TECTA: variants seen among roughly 807,000 people sequenced by gnomAD.
The protein encoded by TECTA is tectorin alpha.
In TECTA, 128 loss-of-function variants were observed where a neutral mutation model predicts 216.8. The ratio of observed to expected loss-of-function variants is 0.59; its 90% CI spans 0.51 to 0.68. The LOEUF (loss-of-function observed/expected upper bound fraction) is 0.68. TECTA is among the 30% of genes least tolerant of loss of function. The pLI is 0.00. For missense variants in TECTA, 2,551 were observed against 2,786.2 expected, an observed-to-expected ratio of 0.92 and a Z score of 1.90; for synonymous variants, 1,089 against 1,117.1, an observed-to-expected ratio of 0.97 and a Z score of 0.50.
intron 20 of TECTA, among the ~76,000 whole-genome samples, chr11:121,177,069 C>T (rs1053701019): frequency 2.0e-4 from 31 of 152,320 alleles, no homozygotes; most frequent in Middle Eastern, 6.8e-3. Flanking sequence ...TCTAGTTATA[C>T]ATTCGTCTAA....
In TECTA at chr11:121,191,286, C is replaced by G. The variant is rs556077677; in HGVS notation, c.*480C>G. 2.6e-4 allele frequency: 57 copies of G among 222,342 alleles called. 1 individual carries two copies. Among genetic ancestry groups the G allele is most frequent in the Middle Eastern group, 3.8e-3 (2 of 522 alleles). The allele number at this position is 222,342 out of a possible 1,614,324, so 13.8% of individuals were successfully genotyped here. A position where few individuals can be genotyped will look rare whatever the true frequency, so the allele number is the denominator to read the frequency against. ...GGAAGTGTCCGATCTACGTTATGCA[C>G]GTGTTCTGTCTATGAGGCGCTTCTC... On this transcript the variant is annotated 3_prime_UTR_variant, in exon 24 of 24. Transcript: ENST00000392793.
At chr11:121,128,438 C>T in intron 9 of TECTA, 94 bp downstream of exon 9, 2 of 1,194,486 alleles carry the variant, frequency 1.7e-6, no homozygotes, top group East Asian at 2.5e-5. Flanking sequence ...CTGCCTCTGC[C>T]TATGAGTGGA....
chr11:121,108,706 C>T (rs1946414578), intron 3 of TECTA, among the ~76,000 whole-genome samples: 1 of 150,670 alleles, frequency 6.6e-6, no homozygotes, highest in African/African-American at 2.4e-5. Context: ...CCAATACACA[C>T]ACACATACCC....
chr11:121,174,396 A>G (rs989481369), intron 20 of TECTA, among the ~76,000 whole-genome samples: 53 of 151,924 alleles, frequency 3.5e-4, no homozygotes, highest in African/African-American at 1.1e-3. Flanking sequence ...AGTTTTTAGC[A>G]TGAAGGGTTG....
At chr11:121,190,063 A>G in intron 23 of TECTA, 183 bp downstream of exon 23, 7 of 604,170 alleles carry the variant, frequency 1.2e-5, no homozygotes, top group South Asian at 1.1e-4. Flanking sequence ...CAAACAAACA[A>G]ACAACAACAA....
At chr11:121,168,416 TGTG>T (rs1309902777) in intron 19 of TECTA, 199 bp downstream of exon 19, 19 of 867,374 alleles carry the variant, frequency 2.2e-5, no homozygotes, top group Non-Finnish European at 3.4e-5. Context: ...TACTGTTTAA[TGTG>T]GTGGCTACAT....
intron 13 of TECTA, 48 bp downstream of exon 13, chr11:121,153,128 C>A (rs748944091): frequency 1.1e-5 from 17 of 1,579,880 alleles, no homozygotes; most frequent in Admixed American, 7.2e-5. Context: ...TGATCAGATT[C>A]CTCTCCAACT....
intron 10 of TECTA, among the ~76,000 whole-genome samples, chr11:121,134,853 G>A (rs992955768): frequency 3.9e-5 from 6 of 151,928 alleles, no homozygotes; most frequent in Non-Finnish European, 5.9e-5. Context: ...TTAGCAGGGC[G>A]TGATGGTGAT....
chr11:121,190,505 C>T (rs368873004), intron 23 of TECTA, among the ~76,000 whole-genome samples: 2 of 152,158 alleles, frequency 1.3e-5, no homozygotes, highest in East Asian at 1.9e-4. Flanking sequence ...CCTCATGATC[C>T]GCCTGTGTTG....
intron 7 of TECTA, 73 bp downstream of exon 7, chr11:121,118,791 G>T: frequency 6.4e-7 from 1 of 1,571,226 alleles, no homozygotes; most frequent in Non-Finnish European, 8.7e-7. Context: ...GACTTCCCCA[G>T]ATCTACTGGT....
At chr11:121,183,048 T>G (rs1463167787) in intron 20 of TECTA, among the ~76,000 whole-genome samples, 2 of 152,170 alleles carry the variant, frequency 1.3e-5, no homozygotes, top group Non-Finnish European at 1.5e-5. Context: ...AGCCCCTTTT[T>G]CCTGGGGACA....
intron 7 of TECTA, among the ~76,000 whole-genome samples, chr11:121,120,101 G>C (rs149290808): frequency 3.3e-5 from 5 of 152,094 alleles, no homozygotes; most frequent in African/African-American, 7.2e-5. Context: ...GAAAAAGAAG[G>C]CTTCATGCTT....
Position 121,102,714 on chromosome 11 carries a change from C to T in TECTA, c.49C>T (p.Leu17Phe). ...AATTTGGGTCTCTTTCATCTTCGCA[C>T]TTGTACAGCACCAAGGTGAGTACTA... ...LRIWVSFIFA[L>F]VQHQAQPREL... is the part of the protein sequence containing the mutation. The change falls in exon 2 of 24, where the codon CTT (leucine) becomes TTT (phenylalanine). Residue 17 changes from leucine to phenylalanine, a missense_variant. By Grantham distance (22) the Leu-to-Phe change is conservative. Around this residue, in one of 3 missense-constraint regions of TECTA, gnomAD observed 2,375 missense variants for 2,563.9 expected, o/e 0.93. Transcript: ENST00000392793. 3 of 1,613,668 alleles carry T rather than the reference C, an allele frequency of 1.9e-6. No individual in the cohort carries two copies. The highest frequency in any genetic ancestry group is 2.5e-6 in the Non-Finnish European group (3 of 1,179,620).
chr11:121,124,977 T>G (rs1946593190), intron 7 of TECTA, among the ~76,000 whole-genome samples: 1 of 152,220 alleles, frequency 6.6e-6, no homozygotes. Flanking sequence ...GTGACTGGTC[T>G]TTGAAGAAAA....
At chr11:121,188,431 C>A (rs541675612) in intron 21 of TECTA, among the ~76,000 whole-genome samples, 1 of 152,192 alleles carries the variant, frequency 6.6e-6, no homozygotes, top group Non-Finnish European at 1.5e-5. Context: ...AGGAGCCAGG[C>A]GGCCTGACTC....
chr11:121,160,547 G>A, intron 15 of TECTA, 126 bp downstream of exon 15: 1 of 1,347,592 alleles, frequency 7.4e-7, no homozygotes, highest in Admixed American at 1.9e-5. Context: ...ACGAGCCAAA[G>A]CTCTTTGGAG....
At position 121,130,212 on chromosome 11, in the gene TECTA, G is replaced by C. The variant is rs966621865; in HGVS notation, c.2941+1G>C. ...CCCTGGCGGACCTATGACTTCTGCC[G>C]TAAGTTGGGGTTGGATTCTGGGAGA... On this transcript the variant is annotated splice_donor_variant, in intron 10 of 23. Transcript: ENST00000392793. LOFTEE classifies it high-confidence loss of function. The C allele has an allele frequency of 1.3e-6, 2 of 1,599,716 alleles. No homozygotes were observed. The highest frequency in any genetic ancestry group is 8.5e-7 in the Non-Finnish European group (1 of 1,179,890).
chr11:121,168,251 T>C, intron 19 of TECTA, 34 bp downstream of exon 19: 1 of 1,613,844 alleles, frequency 6.2e-7, no homozygotes, highest in Non-Finnish European at 8.5e-7. Flanking sequence ...ACATTGCTTT[T>C]TCTATTCCTT....
In TECTA at chr11:121,118,366, G is replaced by T. The variant is rs886047837; in HGVS notation, c.851G>T (p.Arg284Leu). 1.2e-6 allele frequency: 2 copies of T among 1,613,990 alleles called. No individual in the cohort carries two copies. Among genetic ancestry groups the T allele is most frequent in the South Asian group, 1.1e-5 (1 of 91,078 alleles). ...GACTTGAACTGCACCGTCAAGTGCC[G>T]CTGTCTGGATTTCAACAATGAGATC... ...WDDLNCTVKC[R>L]CLDFNNEIYC... is the part of the protein sequence containing the mutation. The change falls in exon 7 of 24, where the codon CGC (arginine) becomes CTC (leucine). Residue 284 changes from arginine to leucine, a missense_variant. Physicochemically the swap from Arg to Leu is moderately radical, Grantham distance 102. Transcript: ENST00000392793.
Sources: allele counts gnomAD v4.1 joint callset (sites outside exome capture counted in the v4.1 genomes callset), GRCh38; gene constraint gnomAD v4.1.1; regional missense constraint gnomAD v4.1.1; transcripts MANE v1.5; gene names NCBI Gene and HGNC (gene_info 2026-07-23, HGNC 2026-07-21).